SHC3: variants seen among roughly 807,000 people sequenced by gnomAD.
SHC3 encodes the protein SHC-transforming protein 3.
In SHC3, 15 loss-of-function variants were observed where a neutral mutation model predicts 60.4. The ratio of observed to expected loss-of-function variants is 0.25; its 90% CI spans 0.17 to 0.38. SHC3 has a LOEUF of 0.38. Among genes scored for constraint, SHC3 ranks in the 10% least tolerant of loss-of-function variants. The probability of loss-of-function intolerance (pLI) is 1.00; values close to 1 mark genes in which losing one functional copy is unlikely to be tolerated. For missense variants in SHC3, 677 were observed against 786.1 expected, an observed-to-expected ratio of 0.86 and a Z score of 1.66; for synonymous variants, 294 against 325.9, an observed-to-expected ratio of 0.90 and a Z score of 1.05.
intron 1 of SHC3, among the ~76,000 whole-genome samples, chr9:89,132,829 C>T (rs1826267039): frequency 6.6e-6 from 1 of 152,128 alleles, no homozygotes; most frequent in Admixed American, 6.5e-5. Flanking sequence ...TAAGCAATAC[C>T]ATTCAGGACA....
Position 89,178,384 on chromosome 9 carries a change from G to A in SHC3, c.77C>T (p.Ser26Leu), listed in dbSNP as rs778896913. Residue 26 changes from serine (S) to leucine (L), a missense_variant, in exon 1 of 12, where the codon TCG (serine) becomes TTG (leucine). Physicochemically the swap from Ser to Leu is moderately radical, Grantham distance 145. Transcript: ENST00000375835. This position sits in a 1 kb window ranked among gnomAD's most constrained non-coding sequence, Gnocchi z 6.9. The part of the protein sequence containing the change: ...TSVDDLLHSL[S>L]VSGGGGKVSA... The stretch of plus-strand genomic sequence containing the variant: ...AACCTTGCCTCCGCCGCCGCTCACC[G>A]ACAGGCTGTGGAGAAGGTCATCGAC... 1.9e-5 allele frequency: 30 copies of A among 1,575,316 alleles called. No individual in the cohort carries two copies. Among genetic ancestry groups the A allele is most frequent in the Non-Finnish European group, 2.6e-5 (30 of 1,163,052 alleles).
chr9:89,067,231 G>A (rs1422445775), intron 5 of SHC3, among the ~76,000 whole-genome samples: 1 of 152,172 alleles, frequency 6.6e-6, no homozygotes, highest in Non-Finnish European at 1.5e-5. Flanking sequence ...GTAATCATAG[G>A]CACTTCCTGA....
At chr9:89,023,945 C>CA (rs1188812265) in intron 11 of SHC3, among the ~76,000 whole-genome samples, 1 of 152,230 alleles carries the variant, frequency 6.6e-6, no homozygotes, top group African/African-American at 2.4e-5. Context: ...ATCCAGGCCC[C>CA]ATTCCGAGTT....
intron 11 of SHC3, among the ~76,000 whole-genome samples, chr9:89,033,245 C>T (rs1219890417): frequency 6.6e-6 from 1 of 152,102 alleles, no homozygotes; most frequent in South Asian, 2.1e-4. Context: ...GAGTACACAG[C>T]TCTTTTTTAA....
At chr9:89,046,059 C>A (rs750879685) in intron 8 of SHC3, among the ~76,000 whole-genome samples, 4 of 136,236 alleles carry the variant, frequency 2.9e-5, no homozygotes, top group African/African-American at 8.0e-5. Flanking sequence ...CATGCCCCCC[C>A]GCTTGTTTTC....
At chr9:89,041,818 G>T (rs1175377484) in intron 10 of SHC3, among the ~76,000 whole-genome samples, 3 of 152,192 alleles carry the variant, frequency 2.0e-5, no homozygotes, top group African/African-American at 7.2e-5. Context: ...AAAAGAGGGG[G>T]AAATTGCTCT....
At chr9:89,107,245 C>T (rs1027750905) in intron 2 of SHC3, among the ~76,000 whole-genome samples, 5 of 152,146 alleles carry the variant, frequency 3.3e-5, no homozygotes, top group Non-Finnish European at 5.9e-5. Flanking sequence ...TCTCCCAGGC[C>T]GCAAGGACCC....
In SHC3 at chr9:89,038,248, G is replaced by A. The variant is rs146503115; in HGVS notation, c.1401C>T (p.Pro467=). Residue 467 remains proline (P), a synonymous_variant, in exon 11 of 12, where the codon CCC becomes CCT. Coordinates refer to ENST00000375835, the MANE Select transcript of SHC3 (RefSeq NM_016848.6). ...CCACGGAGGCTGCCTTGCTTAACAC[G>A]GGCCCCAAGGGCTGGTTCTTGAGAG... ...EDALKNQPLG[P]VLSKAASVEC... is the part of the protein sequence containing the mutation. 1.7e-5 allele frequency: 28 copies of A among 1,613,512 alleles called. No individual in the cohort carries two copies. In the East Asian group the frequency reaches 3.8e-4, roughly 22 times the overall value.
chr9:89,012,969 A>C lies in SHC3; in HGVS notation c.*478T>G, dbSNP rs1007452348. 1 of 152,130 alleles carries C rather than the reference A, an allele frequency of 6.6e-6. No homozygotes were observed. Among genetic ancestry groups the C allele is most frequent in the Non-Finnish European group, 1.5e-5 (1 of 68,084 alleles). The allele number at this position is 152,130 out of a possible 1,614,324, so 9.4% of individuals were successfully genotyped here. A position where few individuals can be genotyped will look rare whatever the true frequency, so the allele number is the denominator to read the frequency against. On this transcript the variant is annotated 3_prime_UTR_variant, in exon 12 of 12. Transcript: ENST00000375835. ...ACCAGTATCTCATAGCTTTCAGTGC[A>C]GGGCTAGGCATGCTCTGAGCAGCAT...
chr9:89,079,864 C>T (rs1166212004), intron 2 of SHC3, among the ~76,000 whole-genome samples: 2 of 152,146 alleles, frequency 1.3e-5, no homozygotes, highest in African/African-American at 4.8e-5. Context: ...CTTTAGAATC[C>T]CCAAAGGAGT....
chr9:89,044,242 A>G lies in SHC3; in HGVS notation c.1201+1504T>C, dbSNP rs575432484. On this transcript the variant is annotated intron_variant, in intron 9 of 11. Transcript: ENST00000375835. ...TGTGTAGAACAAGGATAAATAGCCC[A>G]TAATGAAAATGTCCCTCTGGCAAAG... 9.2e-5 allele frequency among the ~76,000 whole-genome samples: 14 copies of G among 152,298 alleles called. No homozygotes were observed. The South Asian group carries it at 1.7e-3, about 18-fold the overall frequency.
chr9:89,092,321 T>C (rs1825633947), intron 2 of SHC3, among the ~76,000 whole-genome samples: 1 of 152,112 alleles, frequency 6.6e-6, no homozygotes, highest in African/African-American at 2.4e-5. Context: ...TTTGCAACTA[T>C]AAAAAATCAG....
chr9:89,028,803 A>G (rs1160774646), intron 11 of SHC3, among the ~76,000 whole-genome samples: 1 of 146,786 alleles, frequency 6.8e-6, no homozygotes, highest in Admixed American at 6.8e-5. Flanking sequence ...TAGAGAGATC[A>G]TCTATATCTA....
chr9:89,079,944 C>G (rs1825418966), intron 2 of SHC3, among the ~76,000 whole-genome samples: 1 of 152,188 alleles, frequency 6.6e-6, no homozygotes, highest in Admixed American at 6.5e-5. Context: ...TCCTAATGCT[C>G]ATACGATAAC....
intron 11 of SHC3, among the ~76,000 whole-genome samples, chr9:89,018,831 G>A (rs563036335): frequency 4.6e-5 from 7 of 151,214 alleles, no homozygotes; most frequent in South Asian, 4.2e-4. Flanking sequence ...CAAGGCAGGC[G>A]GATCATTTGA....
Position 89,178,045 on chromosome 9 carries a change from C to G in SHC3, c.416G>C (p.Arg139Pro). 8.1e-7 allele frequency: 1 copy of G among 1,228,502 alleles called. No individual in the cohort carries two copies. Among genetic ancestry groups the G allele is most frequent in the East Asian group, 3.2e-5 (1 of 30,962 alleles). 76.1% of individuals were successfully genotyped at this position (1,228,502 alleles called of 1,614,324 possible). A position where few individuals can be genotyped will look rare whatever the true frequency, so the allele number is the denominator to read the frequency against. ...CTGGTCGCTGGCGTGCGGCGCCCCCCGAGGGGGCCTGGGCAGCGGCTCGTC... is the reference window on the plus strand; with the variant it reads ...CTGGTCGCTGGCGTGCGGCGCCCCCGGAGGGGGCCTGGGCAGCGGCTCGTC... ...PGDEPLPRPP[R>P]GAPHASDQVL... The change falls in exon 1 of 12, where the codon CGG (arginine) becomes CCG (proline). Residue 139 changes from arginine to proline, a missense_variant. Coordinates refer to ENST00000375835, the MANE Select transcript of SHC3 (RefSeq NM_016848.6). This position sits in a 1 kb window ranked among gnomAD's most constrained non-coding sequence, Gnocchi z 6.9.
At chr9:89,160,440 C>T (rs1257336506) in intron 1 of SHC3, among the ~76,000 whole-genome samples, 1 of 152,196 alleles carries the variant, frequency 6.6e-6, no homozygotes, top group Non-Finnish European at 1.5e-5. Context: ...CCCCGTTCAA[C>T]TGAATTAAAA....
At chr9:89,151,753 C>A (rs1249904155) in intron 1 of SHC3, among the ~76,000 whole-genome samples, 1 of 152,038 alleles carries the variant, frequency 6.6e-6, no homozygotes, top group African/African-American at 2.4e-5. Flanking sequence ...AATCATTGAG[C>A]CTGATCTCAC....
intron 1 of SHC3, among the ~76,000 whole-genome samples, chr9:89,115,760 G>A (rs566084593): frequency 6.6e-5 from 10 of 152,282 alleles, no homozygotes; most frequent in South Asian, 2.1e-4. Context: ...AACACCATGA[G>A]TAATGTCATT....
Sources: allele counts gnomAD v4.1 joint callset (sites outside exome capture counted in the v4.1 genomes callset), GRCh38; gene constraint gnomAD v4.1.1; non-coding constraint Gnocchi (gnomAD v3.1); transcripts MANE v1.5; gene names NCBI Gene and HGNC (gene_info 2026-07-23, HGNC 2026-07-21).